Variants in PIP4K2A observed in about 807,000 individuals in gnomAD.
PIP4K2A encodes the protein phosphatidylinositol-5-phosphate 4-kinase type 2 alpha.
Under a neutral mutation model 42.9 loss-of-function variants are expected in PIP4K2A, and 14 were observed. That is an observed-to-expected ratio of 0.33 (90% CI 0.22 to 0.51). The LOEUF is 0.51. PIP4K2A is among the 20% of genes least tolerant of loss of function. The pLI, the probability that PIP4K2A is intolerant of heterozygous loss-of-function variation, is 0.97. For synonymous variants in PIP4K2A, 192 were observed against 192.2 expected (o/e 1.00, Z 0.01); for missense variants, 434 against 519.8 (o/e 0.83, Z 1.61).
intron 6 of PIP4K2A, among the ~76,000 whole-genome samples, chr10:22,551,735 A>G (rs1394013068): frequency 6.6e-6 from 1 of 152,180 alleles, no homozygotes; most frequent in East Asian, 1.9e-4. Flanking sequence ...ATGAACCTGG[A>G]ATGGTCCTCT....
chr10:22,567,808 TCATGCCCCCAGGACATGGGGAGA>T lies in PIP4K2A; in HGVS notation c.678+20_678+42del. The T allele has an allele frequency of 6.6e-7, 1 of 1,514,668 alleles. No homozygotes were observed. Among genetic ancestry groups the T allele is most frequent in the Non-Finnish European group, 9.2e-7 (1 of 1,089,332 alleles). The allele number at this position is 1,514,668 out of a possible 1,614,324, so 93.8% of individuals were successfully genotyped here. A position where few individuals can be genotyped will look rare whatever the true frequency, so the allele number is the denominator to read the frequency against. ...AGTAAAGGTGATTGGGAGTATGTGA[TCATGCCCCCAGGACATGGGGAGA>T]CATACAGCAAGGTACTTACCTTTTC... On this transcript the variant is annotated intron_variant, in intron 6 of 9. Coordinates refer to ENST00000376573, the MANE Select transcript of PIP4K2A (RefSeq NM_005028.5).
At position 22,552,349 on chromosome 10, in the gene PIP4K2A, T is replaced by C. The variant is rs367720430; in HGVS notation, c.679-1577A>G. ...GATCTAATTCCAAACACTTTTATGCTGAGTTATTGAGTCTTTAAGAAATGA... is the reference window on the plus strand; with the variant it reads ...GATCTAATTCCAAACACTTTTATGCCGAGTTATTGAGTCTTTAAGAAATGA... On this transcript the variant is annotated intron_variant, in intron 6 of 9. Transcript: ENST00000376573. 6.6e-5 allele frequency among the ~76,000 whole-genome samples: 10 copies of C among 152,318 alleles called. No homozygotes were observed. The East Asian group carries it at 1.9e-3, about 29-fold the overall frequency.
chr10:22,674,100 T>C (rs1839508863), intron 1 of PIP4K2A, among the ~76,000 whole-genome samples: 1 of 152,204 alleles, frequency 6.6e-6, no homozygotes, highest in South Asian at 2.1e-4. Flanking sequence ...TGCTTTCTCC[T>C]ATTTCTAATT....
intron 6 of PIP4K2A, among the ~76,000 whole-genome samples, chr10:22,561,349 G>A (rs756479062): frequency 6.6e-6 from 1 of 152,072 alleles, no homozygotes; most frequent in Non-Finnish European, 1.5e-5. Context: ...TTATGCTAAT[G>A]CAAATCACAC....
At position 22,664,168 on chromosome 10, in the gene PIP4K2A, CATATATATATATACAT is replaced by C. The variant is rs1839292590; in HGVS notation, c.144+49999_144+50014del. On this transcript the variant is annotated intron_variant, in intron 1 of 9. Transcript: ENST00000376573. ...ATATATATACACATATATATATATACATATATATATATACATATATATACATATATATATACATATA... is the reference window on the plus strand; with the variant it reads ...ATATATATACACATATATATATATACATATATACATATATATATACATATA... Among the ~76,000 whole-genome samples the C allele has an allele frequency of 4.6e-4, 14 of 30,204 alleles. 1 individual carries two copies. The highest frequency in any genetic ancestry group is 1.4e-3 in the African/African-American group (7 of 4,834). 19.8% of individuals were successfully genotyped at this position (30,204 alleles called of 152,430 possible). A position where few individuals can be genotyped will look rare whatever the true frequency, so the allele number is the denominator to read the frequency against.
At chr10:22,564,370 T>C (rs1354890023) in intron 6 of PIP4K2A, among the ~76,000 whole-genome samples, 1 of 152,052 alleles carries the variant, frequency 6.6e-6, no homozygotes, top group Non-Finnish European at 1.5e-5. Flanking sequence ...GAAATCAAAA[T>C]GAATGAAGGA....
At chr10:22,575,835 G>A (rs1297731174) in intron 4 of PIP4K2A, among the ~76,000 whole-genome samples, 1 of 151,998 alleles carries the variant, frequency 6.6e-6, no homozygotes, top group Non-Finnish European at 1.5e-5. Context: ...CTACTCGGGA[G>A]GCTGAGGCAG....
chr10:22,658,605 A>G (rs1455849664), intron 1 of PIP4K2A, among the ~76,000 whole-genome samples: 2 of 152,224 alleles, frequency 1.3e-5, no homozygotes, highest in Non-Finnish European at 2.9e-5. Context: ...TAAAAAATGT[A>G]AAGCTTCTTA....
intron 1 of PIP4K2A, among the ~76,000 whole-genome samples, chr10:22,683,835 T>TCACA (rs138327782): frequency 0.034 from 4,702 of 139,350 alleles, 120 homozygotes; most frequent in African/African-American, 0.067. Context: ...ACCAAGCAGT[T>TCACA]CACACACACA....
intron 8 of PIP4K2A, among the ~76,000 whole-genome samples, chr10:22,540,581 G>T (rs865782413): frequency 2.0e-5 from 3 of 152,084 alleles, no homozygotes; most frequent in African/African-American, 7.2e-5. Context: ...TTTTGAGACA[G>T]AGTTTTGTTC....
At chr10:22,543,133 A>G (rs1836169016) in intron 7 of PIP4K2A, among the ~76,000 whole-genome samples, 2 of 152,358 alleles carry the variant, frequency 1.3e-5, no homozygotes, top group South Asian at 2.1e-4. Flanking sequence ...TAAGCCCCGC[A>G]GAGTCATTTC....
chr10:22,704,069 A>G (rs992701456), intron 1 of PIP4K2A, among the ~76,000 whole-genome samples: 2 of 152,200 alleles, frequency 1.3e-5, no homozygotes, highest in Admixed American at 1.3e-4. Context: ...GAAACTGCAT[A>G]TAGAGCCCAA....
At chr10:22,684,476 T>C (rs1588705908) in intron 1 of PIP4K2A, among the ~76,000 whole-genome samples, 1 of 152,348 alleles carries the variant, frequency 6.6e-6, no homozygotes, top group East Asian at 1.9e-4. Flanking sequence ...TGCGCTTGTT[T>C]CATTATACTG....
intron 4 of PIP4K2A, among the ~76,000 whole-genome samples, chr10:22,583,653 CA>C (rs1837327587): frequency 6.6e-6 from 1 of 152,298 alleles, no homozygotes; most frequent in East Asian, 1.9e-4. Flanking sequence ...TTTGCAGAAA[CA>C]AAACTCTCAG....
chr10:22,596,183 C>T (rs147137113), intron 3 of PIP4K2A, among the ~76,000 whole-genome samples: 809 of 80,584 alleles, frequency 0.01, 2 homozygotes, highest in Middle Eastern at 0.053. Context: ...CCAGCCTGGG[C>T]AACAAGAGCA....
chr10:22,633,277 A>C lies in PIP4K2A; in HGVS notation c.145-23560T>G, dbSNP rs1178599742. On this transcript the variant is annotated intron_variant, in intron 1 of 9. Transcript: ENST00000376573. The stretch of plus-strand genomic sequence containing the variant: ...ATAAATGAAAGGGACATAATTTTTT[A>C]AAAGAAAAAGAAAAACCTGCTCAAC... Among the ~76,000 whole-genome samples, 4 of 152,358 alleles carry C rather than the reference A, an allele frequency of 2.6e-5. No homozygotes were observed. The East Asian group carries it at 7.7e-4, about 29-fold the overall frequency.
At chr10:22,562,413 G>C (rs959975613) in intron 6 of PIP4K2A, among the ~76,000 whole-genome samples, 1 of 152,178 alleles carries the variant, frequency 6.6e-6, no homozygotes, top group African/African-American at 2.4e-5. Context: ...GCCAAGCGTA[G>C]TGACAGGCGC....
intron 1 of PIP4K2A, among the ~76,000 whole-genome samples, chr10:22,612,828 CAGGT>C (rs1838085460): frequency 6.6e-6 from 1 of 152,112 alleles, no homozygotes; most frequent in Non-Finnish European, 1.5e-5. Flanking sequence ...GTGTCAATGT[CAGGT>C]AGGCCGTGGA....
intron 1 of PIP4K2A, among the ~76,000 whole-genome samples, chr10:22,650,222 T>C (rs961533878): frequency 6.6e-6 from 1 of 152,140 alleles, no homozygotes; most frequent in African/African-American, 2.4e-5. Context: ...GGTGTGAAGG[T>C]TTTACAGTCA....
Sources: allele counts gnomAD v4.1 joint callset (sites outside exome capture counted in the v4.1 genomes callset), GRCh38; gene constraint gnomAD v4.1.1; transcripts MANE v1.5; gene names NCBI Gene and HGNC (gene_info 2026-07-23, HGNC 2026-07-21).